Variants in HDAC9 observed in about 807,000 individuals in gnomAD.
HDAC9 encodes the protein histone deacetylase 9.
In HDAC9, 41 loss-of-function variants were observed where a neutral mutation model predicts 139.4. The ratio of observed to expected loss-of-function variants is 0.29; its 90% CI spans 0.23 to 0.38. The LOEUF is 0.38. Ranked by LOEUF, HDAC9 falls within the 10% of genes least tolerant of loss-of-function variation. HDAC9 has a pLI of 1.00. For synonymous variants in HDAC9, 517 were observed against 476.2 expected, an observed-to-expected ratio of 1.09 and a Z score of -1.12; for missense variants, 1,147 against 1,297.0, an observed-to-expected ratio of 0.88 and a Z score of 1.78.
chr7:18,921,332 A>G (rs987376082), intron 22 of HDAC9, among the ~76,000 whole-genome samples: 1 of 151,870 alleles, frequency 6.6e-6, no homozygotes, highest in Non-Finnish European at 1.5e-5. Flanking sequence ...CAACCTGCTT[A>G]TCTGACAAAG....
At chr7:18,751,148 C>A (rs918686858) in intron 14 of HDAC9, among the ~76,000 whole-genome samples, 2 of 152,140 alleles carry the variant, frequency 1.3e-5, no homozygotes, top group African/African-American at 2.4e-5. Context: ...ATATACATTA[C>A]ATTATTTTCA....
chr7:18,427,676 C>A (rs928457969), intron 1 of HDAC9, among the ~76,000 whole-genome samples: 5 of 151,558 alleles, frequency 3.3e-5, no homozygotes, highest in Non-Finnish European at 5.9e-5. Flanking sequence ...CATCGCCCAC[C>A]CTGGACACAG....
chr7:18,918,679 G>A (rs1020349231), intron 22 of HDAC9, among the ~76,000 whole-genome samples: 3 of 151,866 alleles, frequency 2.0e-5, no homozygotes, highest in South Asian at 2.1e-4. Flanking sequence ...CAGTTTGACC[G>A]CATAGCTCTA....
At chr7:18,662,312 A>G (rs1793449855) in intron 11 of HDAC9, among the ~76,000 whole-genome samples, 1 of 151,938 alleles carries the variant, frequency 6.6e-6, no homozygotes, top group South Asian at 2.1e-4. Flanking sequence ...TAAATGGTGT[A>G]GAGGAAAGCC....
chr7:18,307,657 G>T (rs607880), intron 1 of HDAC9, among the ~76,000 whole-genome samples: 14,976 of 151,900 alleles, frequency 0.099, 1,542 homozygotes, highest in African/African-American at 0.27. Context: ...ACAAAAATTA[G>T]CCAGGTATGG....
Position 18,378,780 on chromosome 7 carries a change from C to G in HDAC9, c.-42+88265C>G, listed in dbSNP as rs562017275. On this transcript the variant is annotated intron_variant, in intron 1 of 3. Coordinates refer to the HDAC9 transcript ENST00000413509. ...TACCAAAACAAAACAAAACAAAATG[C>G]CTTCACTTCAATATGTCTACACAAT... 2.6e-5 allele frequency among the ~76,000 whole-genome samples: 4 copies of G among 152,072 alleles called. No individual in the cohort carries two copies. In the East Asian group the frequency reaches 7.7e-4, roughly 29 times the overall value.
intron 22 of HDAC9, among the ~76,000 whole-genome samples, chr7:18,903,807 T>A (rs185493733): frequency 1.1e-3 from 165 of 152,360 alleles, no homozygotes; most frequent in African/African-American, 3.9e-3. Flanking sequence ...GAATGTACCA[T>A]TTGGCTCACT....
intron 1 of HDAC9, among the ~76,000 whole-genome samples, chr7:18,090,933 T>C (rs1200371980): frequency 6.6e-6 from 1 of 152,170 alleles, no homozygotes. Context: ...CCCACTAGAA[T>C]TTTTTTAGGA....
intron 1 of HDAC9, among the ~76,000 whole-genome samples, chr7:18,307,659 C>T (rs933913596): frequency 2.6e-5 from 4 of 151,944 alleles, no homozygotes; most frequent in Admixed American, 2.6e-4. Context: ...AAAAATTAGC[C>T]AGGTATGGTG....
chr7:18,370,113 G>T (rs996527281), intron 1 of HDAC9, among the ~76,000 whole-genome samples: 1 of 152,068 alleles, frequency 6.6e-6, no homozygotes, highest in Non-Finnish European at 1.5e-5. Flanking sequence ...TGAATGGAGC[G>T]CAGGCTATTA....
chr7:18,761,946 G>T (rs867648057), intron 14 of HDAC9, among the ~76,000 whole-genome samples: 6 of 152,170 alleles, frequency 3.9e-5, no homozygotes, highest in Middle Eastern at 6.8e-3. Context: ...TATGTCAGTT[G>T]CCCATTTAGG....
intron 12 of HDAC9, among the ~76,000 whole-genome samples, chr7:18,691,174 A>G (rs1252633753): frequency 6.6e-6 from 1 of 152,038 alleles, no homozygotes; most frequent in Non-Finnish European, 1.5e-5. Context: ...CGGTGCATTC[A>G]GGAGATAGGA....
chr7:18,823,856 G>A (rs917416272), intron 17 of HDAC9, among the ~76,000 whole-genome samples: 1 of 151,904 alleles, frequency 6.6e-6, no homozygotes. Context: ...GTGTGTGCCT[G>A]TAGCCCCAGC....
At chr7:18,248,377 T>TA (rs1794695023) in intron 2 of HDAC9, among the ~76,000 whole-genome samples, 1 of 152,230 alleles carries the variant, frequency 6.6e-6, no homozygotes, top group Non-Finnish European at 1.5e-5. Flanking sequence ...GATCCTGTTT[T>TA]AGCTAGTTTT....
chr7:18,955,089 A>G, intron 24 of HDAC9, among the ~76,000 whole-genome samples: 1 of 152,140 alleles, frequency 6.6e-6, no homozygotes, highest in East Asian at 1.9e-4. Context: ...GTACCCAATA[A>G]ACATTTATTG....
At chr7:18,623,249 T>C (rs1840723434) in intron 6 of HDAC9, among the ~76,000 whole-genome samples, 2 of 151,982 alleles carry the variant, frequency 1.3e-5, no homozygotes. Flanking sequence ...CAGAATACAA[T>C]TTATAAGCAG....
chr7:18,846,951 G>C lies in HDAC9; in HGVS notation c.2684+10954G>C, dbSNP rs371784667. On this transcript the variant is annotated intron_variant, in intron 21 of 25. Coordinates refer to ENST00000686413, the MANE Select transcript of HDAC9 (RefSeq NM_178425.4). ...GTTTGAGCTTGGATTTGAAAAGTGC[G>C]TGTGGAAGTGAGGCTTAATTCAAAC... Among the ~76,000 whole-genome samples, 18 of 152,276 alleles carry C rather than the reference G, an allele frequency of 1.2e-4. No individual in the cohort carries two copies. In the South Asian group the frequency reaches 1.7e-3, roughly 14 times the overall value.
chr7:18,888,383 T>C (rs1224127515), intron 22 of HDAC9, among the ~76,000 whole-genome samples: 2 of 152,110 alleles, frequency 1.3e-5, no homozygotes, highest in African/African-American at 4.8e-5. Flanking sequence ...CGAGAGCGTG[T>C]CACTGCACTC....
At chr7:18,686,945 A>C (rs1021010679) in intron 12 of HDAC9, among the ~76,000 whole-genome samples, 18 of 151,852 alleles carry the variant, frequency 1.2e-4, no homozygotes, top group African/African-American at 4.3e-4. Context: ...TGGCTCCAAT[A>C]AGCTTATAAC....
Sources: gnomAD v4.1 joint callset for allele counts (sites outside exome capture counted in the v4.1 genomes callset) on GRCh38, gnomAD v4.1.1 for gene constraint, MANE v1.5 for transcripts, NCBI Gene and HGNC (gene_info 2026-07-23, HGNC 2026-07-21) for gene names.